The following CAB39L variants were observed in gnomAD, a reference collection of about 807,000 sequenced individuals.
The protein encoded by CAB39L is calcium-binding protein 39-like.
CAB39L carries 23 observed loss-of-function variants against 39.1 expected under a neutral mutation model. The observed-to-expected ratio is 0.59, with a 90% CI of 0.42 to 0.83. CAB39L has a LOEUF of 0.83. CAB39L is among the 40% of genes least tolerant of loss of function. The pLI is 0.00. For synonymous variants in CAB39L, 126 were observed against 137.2 expected (o/e 0.92, Z 0.57); for missense variants, 366 against 391.9 (o/e 0.93, Z 0.56).
At chr13:49,424,163 C>T (rs1174151341) in intron 3 of CAB39L, among the ~76,000 whole-genome samples, 3 of 152,176 alleles carry the variant, frequency 2.0e-5, no homozygotes, top group African/African-American at 7.2e-5. Flanking sequence ...CAGAGAGCAG[C>T]ATGAAAAGAG....
At chr13:49,400,227 T>A (rs58010254) in intron 3 of CAB39L, among the ~76,000 whole-genome samples, 26,169 of 151,954 alleles carry the variant, frequency 0.17, 2,457 homozygotes, top group Middle Eastern at 0.24. Context: ...TAGAGTGGTG[T>A]ATCCTCATGC....
chr13:49,426,818 C>T (rs1053633344), intron 3 of CAB39L, among the ~76,000 whole-genome samples: 2 of 152,208 alleles, frequency 1.3e-5, no homozygotes, highest in Admixed American at 1.3e-4. Flanking sequence ...GTGAACTGCA[C>T]TGCAGCATTA....
intron 10 of CAB39L, among the ~76,000 whole-genome samples, chr13:49,331,166 T>TA (rs1250641973): frequency 2.6e-5 from 4 of 152,032 alleles, no homozygotes; most frequent in Admixed American, 6.6e-5. Flanking sequence ...CCCCACCTGT[T>TA]AAAAAAATCT....
At chr13:49,375,222 G>A (rs906750984) in intron 5 of CAB39L, among the ~76,000 whole-genome samples, 7 of 151,780 alleles carry the variant, frequency 4.6e-5, no homozygotes, top group South Asian at 2.1e-4. Flanking sequence ...CAGTAAGTTC[G>A]TATTATTCCT....
chr13:49,424,959 T>C (rs1038079759), intron 3 of CAB39L, among the ~76,000 whole-genome samples: 1 of 152,152 alleles, frequency 6.6e-6, no homozygotes, highest in Admixed American at 6.5e-5. Flanking sequence ...TACACCATTA[T>C]AAAGCTACGA....
At chr13:49,330,670 T>C (rs986081560) in intron 10 of CAB39L, among the ~76,000 whole-genome samples, 3 of 149,980 alleles carry the variant, frequency 2.0e-5, no homozygotes, top group Admixed American at 6.6e-5. Flanking sequence ...TAGAAAAATA[T>C]TTATTTTTTT....
intron 1 of CAB39L, among the ~76,000 whole-genome samples, chr13:49,435,643 G>C (rs370151472): frequency 6.6e-6 from 1 of 152,120 alleles, no homozygotes; most frequent in Non-Finnish European, 1.5e-5. Context: ...TGGGATTATA[G>C]GTGCTCACCA....
At chr13:49,422,052 G>C (rs993600128) in intron 3 of CAB39L, among the ~76,000 whole-genome samples, 2 of 152,054 alleles carry the variant, frequency 1.3e-5, no homozygotes, top group Non-Finnish European at 2.9e-5. Context: ...ATCTCAAACT[G>C]AATGATTAAA....
At chr13:49,319,912 CA>C (rs1261250730) in intron 10 of CAB39L, among the ~76,000 whole-genome samples, 2 of 151,752 alleles carry the variant, frequency 1.3e-5, no homozygotes, top group African/African-American at 4.8e-5. Flanking sequence ...TGTTGCAAAC[CA>C]AAATAAATGT....
At chr13:49,371,983 T>C (rs1307518240) in intron 5 of CAB39L, among the ~76,000 whole-genome samples, 1 of 152,182 alleles carries the variant, frequency 6.6e-6, no homozygotes, top group Non-Finnish European at 1.5e-5. Context: ...GAGCTGCTTA[T>C]TCAGCCTGAA....
chr13:49,389,736 T>C (rs146692919), intron 3 of CAB39L, among the ~76,000 whole-genome samples: 193 of 152,322 alleles, frequency 1.3e-3, no homozygotes, highest in Non-Finnish European at 2.2e-3. Context: ...TTTCTCAAGT[T>C]TTTATTCCAG....
At chr13:49,441,332 C>T (rs572948830) in intron 1 of CAB39L, among the ~76,000 whole-genome samples, 28 of 150,814 alleles carry the variant, frequency 1.9e-4, no homozygotes, top group African/African-American at 6.6e-4. Flanking sequence ...GCTAGCACTT[C>T]GGGAAGCCAA....
chr13:49,394,680 T>C (rs1490260255), intron 3 of CAB39L, among the ~76,000 whole-genome samples: 1 of 152,164 alleles, frequency 6.6e-6, no homozygotes, highest in African/African-American at 2.4e-5. Flanking sequence ...AACATTAGCA[T>C]ATGTCACAGA....
At chr13:49,359,660 C>CTT (rs1955576760) in intron 6 of CAB39L, 54 bp downstream of exon 6, 1 of 914,462 alleles carries the variant, frequency 1.1e-6, no homozygotes, top group Non-Finnish European at 1.8e-6. Context: ...ATGCTATGCA[C>CTT]TTTTAACAAC....
At chr13:49,333,568 C>CTTTTTTTTTT (rs796079933) in intron 9 of CAB39L, among the ~76,000 whole-genome samples, 1 of 111,858 alleles carries the variant, frequency 8.9e-6, no homozygotes, top group Non-Finnish European at 1.8e-5. Flanking sequence ...TTCTTTCTTT[C>CTTTTTTTTTT]TTTTTTTTTT....
At chr13:49,396,097 C>CAAAA (rs58073071) in intron 3 of CAB39L, among the ~76,000 whole-genome samples, 1 of 123,514 alleles carries the variant, frequency 8.1e-6, no homozygotes, top group African/African-American at 3.3e-5. Flanking sequence ...GACTCTGTCT[C>CAAAA]AAAAAAAAAA....
intron 9 of CAB39L, among the ~76,000 whole-genome samples, chr13:49,332,294 T>G (rs1172483611): frequency 6.6e-6 from 1 of 152,236 alleles, no homozygotes; most frequent in Non-Finnish European, 1.5e-5. Context: ...TTTGCTGATG[T>G]CAGTGCTTAG....
intron 5 of CAB39L, among the ~76,000 whole-genome samples, chr13:49,374,972 G>C (rs192477698): frequency 6.6e-6 from 1 of 152,142 alleles, no homozygotes; most frequent in East Asian, 1.9e-4. Context: ...ACTACTATAA[G>C]AATAGGGAAT....
intron 9 of CAB39L, among the ~76,000 whole-genome samples, chr13:49,333,545 G>C (rs1370282181): frequency 6.7e-6 from 1 of 148,484 alleles, no homozygotes; most frequent in Admixed American, 6.7e-5. Flanking sequence ...CTAAACTCTA[G>C]ACCCACATTT....
Sources: allele counts gnomAD v4.1 joint callset (sites outside exome capture counted in the v4.1 genomes callset), GRCh38; gene constraint gnomAD v4.1.1; transcripts MANE v1.5; gene names NCBI Gene and HGNC (gene_info 2026-07-23, HGNC 2026-07-21).